GRHL2: variants seen among roughly 807,000 people sequenced by gnomAD.
The protein encoded by GRHL2 is grainyhead-like protein 2 homolog.
In GRHL2, 21 loss-of-function variants were observed where a neutral mutation model predicts 83.8. The ratio of observed to expected loss-of-function variants is 0.25; its 90% CI spans 0.18 to 0.36. The LOEUF (loss-of-function observed/expected upper bound fraction) is 0.36. Among genes scored for constraint, GRHL2 ranks in the 10% least tolerant of loss-of-function variants. GRHL2 has a pLI of 1.00. For missense variants in GRHL2, 623 were observed against 781.8 expected, an observed-to-expected ratio of 0.80 and a Z score of 2.42; for synonymous variants, 280 against 278.9, an observed-to-expected ratio of 1.00 and a Z score of -0.04.
chr8:101,671,570 G>C (rs550146461), downstream of GRHL2, among the ~76,000 whole-genome samples: 58 of 152,334 alleles, frequency 3.8e-4, no homozygotes, highest in Non-Finnish European at 1.9e-4. Flanking sequence ...ACAGCTCAAG[G>C]AGACCTGCCT....
the GRHL2 span, among the ~76,000 whole-genome samples, chr8:101,676,795 A>G: frequency 6.6e-6 from 1 of 152,278 alleles, no homozygotes; most frequent in East Asian, 1.9e-4. Context: ...ACAATAGCAA[A>G]GACTTGGAAC....
intron 9 of GRHL2, 48 bp from the exon 10 acceptor site, chr8:101,631,589 C>T (rs373609867): frequency 4.1e-6 from 6 of 1,446,556 alleles, no homozygotes; most frequent in Admixed American, 1.8e-5. Context: ...CTTTTGCATG[C>T]TCTGCTAATA....
chr8:101,493,529 A>G (rs995202476), intron 1 of GRHL2, among the ~76,000 whole-genome samples: 1 of 151,926 alleles, frequency 6.6e-6, no homozygotes, highest in Non-Finnish European at 1.5e-5. Context: ...GGGGGAACTC[A>G]TGTGAGGCCT....
intron 9 of GRHL2, among the ~76,000 whole-genome samples, chr8:101,621,624 C>T (rs770541553): frequency 5.3e-5 from 8 of 152,108 alleles, no homozygotes; most frequent in Non-Finnish European, 8.8e-5. Context: ...AGGCCAGGTG[C>T]GTGGCTCACA....
chr8:101,643,751 G>T (rs867889244), intron 12 of GRHL2, among the ~76,000 whole-genome samples: 2 of 152,274 alleles, frequency 1.3e-5, no homozygotes, highest in Non-Finnish European at 2.9e-5. Context: ...GCCTCAGCTG[G>T]TTGGGAGGGG....
At chr8:101,593,716 A>T (rs1252145038) in intron 7 of GRHL2, among the ~76,000 whole-genome samples, 1 of 152,118 alleles carries the variant, frequency 6.6e-6, no homozygotes, top group Non-Finnish European at 1.5e-5. Context: ...GGATCTCAAG[A>T]TAAGATCATC....
intron 7 of GRHL2, among the ~76,000 whole-genome samples, chr8:101,597,775 A>G (rs1034291915): frequency 6.6e-6 from 1 of 152,070 alleles, no homozygotes; most frequent in Non-Finnish European, 1.5e-5. Context: ...GCACATGTAT[A>G]CATATGTAAC....
chr8:101,568,276 C>A (rs553963847), intron 4 of GRHL2, among the ~76,000 whole-genome samples: 1 of 152,366 alleles, frequency 6.6e-6, no homozygotes, highest in Admixed American at 6.5e-5. Context: ...TTTCAAGTCC[C>A]TGCTAAATAA....
rs558902626 is a variant in GRHL2, at chr8:101,600,596, C to T, written c.1098+1445C>T. On this transcript the variant is annotated intron_variant, in intron 8 of 15. Transcript: ENST00000646743. ...GATCGGTAAGAGGCAGTCTGTGTGA[C>T]GGCACAGGACTAGGATGGCCACTGA... Among the ~76,000 whole-genome samples, 7 of 152,294 alleles carry T rather than the reference C, an allele frequency of 4.6e-5. No individual in the cohort carries two copies. The East Asian group carries it at 7.7e-4, about 17-fold the overall frequency.
At chr8:101,680,558 G>A in the GRHL2 span, among the ~76,000 whole-genome samples, 1 of 120,150 alleles carries the variant, frequency 8.3e-6, no homozygotes, top group Non-Finnish European at 1.7e-5. Context: ...ATTGAACTCA[G>A]CTCTGCACCA....
chr8:101,576,831 A>G (rs1474362898), intron 6 of GRHL2, among the ~76,000 whole-genome samples: 3 of 152,342 alleles, frequency 2.0e-5, no homozygotes, highest in Non-Finnish European at 2.9e-5. Context: ...ATTTAAATAG[A>G]TATCATAGTT....
chr8:101,552,086 T>C (rs1476510474), intron 2 of GRHL2, among the ~76,000 whole-genome samples: 3 of 152,088 alleles, frequency 2.0e-5, no homozygotes, highest in African/African-American at 4.8e-5. Context: ...CCGCCCGCCT[T>C]GGCCTCCCAA....
intron 9 of GRHL2, among the ~76,000 whole-genome samples, chr8:101,623,588 G>A (rs1813007270): frequency 6.6e-6 from 1 of 151,280 alleles, no homozygotes. Context: ...ACAGTTCACA[G>A]TGCACAGTAG....
intron 14 of GRHL2, among the ~76,000 whole-genome samples, chr8:101,653,006 T>A (rs1316516336): frequency 6.6e-6 from 1 of 152,222 alleles, no homozygotes; most frequent in African/African-American, 2.4e-5. Flanking sequence ...ATTTGAAATT[T>A]CGGAGGAGGC....
At chr8:101,633,103 T>A (rs1389901092) in intron 11 of GRHL2, among the ~76,000 whole-genome samples, 1 of 152,186 alleles carries the variant, frequency 6.6e-6, no homozygotes, top group Admixed American at 6.5e-5. Flanking sequence ...CCCAAATATA[T>A]AACTGAATTT....
intron 8 of GRHL2, 101 bp downstream of exon 8, chr8:101,599,252 G>C (rs1812461805): frequency 1.2e-6 from 1 of 804,318 alleles, no homozygotes. Flanking sequence ...CTATTAAAAA[G>C]AAATGAACCT....
At chr8:101,512,786 G>C (rs1810491689) in intron 1 of GRHL2, among the ~76,000 whole-genome samples, 1 of 152,172 alleles carries the variant, frequency 6.6e-6, no homozygotes. Flanking sequence ...GGTGCCGTTG[G>C]TTTCTTGGCT....
chr8:101,558,956 A>G (rs1308419067), intron 4 of GRHL2, 144 bp downstream of exon 4: 2 of 868,678 alleles, frequency 2.3e-6, no homozygotes, highest in African/African-American at 3.4e-5. Flanking sequence ...GTTTGTTGGT[A>G]GTCTGGCATT....
At chr8:101,524,273 G>C (rs1810755870) in intron 1 of GRHL2, among the ~76,000 whole-genome samples, 1 of 152,052 alleles carries the variant, frequency 6.6e-6, no homozygotes, top group African/African-American at 2.4e-5. Flanking sequence ...CAGTTTGTTA[G>C]TTTTCTTTGC....
Sources: allele counts gnomAD v4.1 joint callset (sites outside exome capture counted in the v4.1 genomes callset), GRCh38; gene constraint gnomAD v4.1.1; transcripts MANE v1.5; gene names NCBI Gene and HGNC (gene_info 2026-07-23, HGNC 2026-07-21).